Variants in PHF19 observed in about 807,000 individuals in gnomAD.
PHF19 encodes the protein polycomb like 3.
PHF19 carries 21 observed loss-of-function variants against 79.8 expected under a neutral mutation model. That is an observed-to-expected ratio of 0.26 (90% CI 0.19 to 0.38). The LOEUF is 0.38. Ranked by LOEUF, PHF19 falls within the 10% of genes least tolerant of loss-of-function variation. The probability of loss-of-function intolerance (pLI) is 1.00; values close to 1 mark genes in which losing one functional copy is unlikely to be tolerated. For missense variants in PHF19, 445 were observed against 744.2 expected, an observed-to-expected ratio of 0.60 and a Z score of 4.68; for synonymous variants, 273 against 296.3, an observed-to-expected ratio of 0.92 and a Z score of 0.81.
intron 3 of PHF19, among the ~76,000 whole-genome samples, chr9:120,872,054 A>G (rs1406924912): frequency 6.7e-6 from 1 of 150,140 alleles, no homozygotes; most frequent in Non-Finnish European, 1.5e-5. Flanking sequence ...AAAAAAAAAA[A>G]AAAAAAAAAA....
At chr9:120,884,793 C>T (rs558450072) in intron 1 of PHF19, among the ~76,000 whole-genome samples, 6 of 151,336 alleles carry the variant, frequency 4.0e-5, no homozygotes, top group South Asian at 2.1e-4. Flanking sequence ...TGGTGGTACA[C>T]GCCTATGATC....
chr9:120,862,846 G>A lies in PHF19; in HGVS notation c.969-97C>T. ...ATGACACAAGCCTCTCTGCCTCCTT[G>A]GACCCAGAGCTAAAATCCGGATGGT... On this transcript the variant is annotated intron_variant, in intron 10 of 14. Coordinates refer to ENST00000373896, the MANE Select transcript of PHF19 (RefSeq NM_015651.3). This position sits in a 1 kb window ranked among gnomAD's most constrained non-coding sequence, Gnocchi z 4.6. 1.7e-6 allele frequency: 2 copies of A among 1,167,616 alleles called. No homozygotes were observed. The highest frequency in any genetic ancestry group is 2.4e-5 in the East Asian group (1 of 42,516). The allele number at this position is 1,167,616 out of a possible 1,614,324, so 72.3% of individuals were successfully genotyped here.
chr9:120,878,643 ACCT>A (rs1486461075), upstream of PHF19, among the ~76,000 whole-genome samples: 1 of 151,008 alleles, frequency 6.6e-6, no homozygotes, highest in Non-Finnish European at 1.5e-5. Context: ...GAGTCCTTTC[ACCT>A]CCTTCCTCAC....
In PHF19 at chr9:120,877,106, C is replaced by T. The variant is rs2046085865; in HGVS notation, c.-31G>A. 3 of 985,072 alleles carry T rather than the reference C, an allele frequency of 3.0e-6. No homozygotes were observed. Among genetic ancestry groups the T allele is most frequent in the African/African-American group, 3.5e-5 (2 of 57,336 alleles). The allele number at this position is 985,072 out of a possible 1,614,324, so 61.0% of individuals were successfully genotyped here. ...CAGAACTCACCGCGAGGCTGCGTGT[C>T]CGCCGGTCCCACTTGGAGTCTGGCC... On this transcript the variant is annotated 5_prime_UTR_variant, in exon 1 of 15. Transcript: ENST00000373896.
At chr9:120,864,140 A>G (rs761078574) in intron 9 of PHF19, 24 bp from the exon 10 acceptor site, 2 of 1,609,900 alleles carry the variant, frequency 1.2e-6, no homozygotes, top group South Asian at 2.2e-5. Flanking sequence ...GGCCAGCAGG[A>G]CATCAGACCC....
At chr9:120,878,695 C>T (rs1438029029), upstream of PHF19, among the ~76,000 whole-genome samples, 1 of 152,202 alleles carries the variant, frequency 6.6e-6, no homozygotes, top group Non-Finnish European at 1.5e-5. Flanking sequence ...TCACCTGCCT[C>T]ACTGCCCCAT....
chr9:120,865,641 G>C, intron 9 of PHF19, 69 bp downstream of exon 9: 1 of 1,582,966 alleles, frequency 6.3e-7, no homozygotes, highest in Non-Finnish European at 8.7e-7. Context: ...TTCCATCCTA[G>C]TCCTGCACTG....
Position 120,869,392 on chromosome 9 carries a change from G to A in PHF19, c.466-62C>T, listed in dbSNP as rs369059741. Reference sequence around the variant, plus strand: ...CCGGGTGGACCACGCGAGTCAGCACGCGGCTGTCTATTGAGGGAAGTGCTG... The same window carrying A: ...CCGGGTGGACCACGCGAGTCAGCACACGGCTGTCTATTGAGGGAAGTGCTG... On this transcript the variant is annotated intron_variant, in intron 5 of 14. Transcript: ENST00000373896. This position sits in a 1 kb window ranked among gnomAD's most constrained non-coding sequence, Gnocchi z 5.8. 6.4e-7 allele frequency: 1 copy of A among 1,557,116 alleles called. No individual in the cohort carries two copies. The highest frequency in any genetic ancestry group is 8.7e-7 in the Non-Finnish European group (1 of 1,145,984).
rs538469042 is a variant in PHF19 at position 120,868,677 on chromosome 9, G to A, written c.614+505C>T. The stretch of plus-strand genomic sequence containing the variant: ...TCCCCTTGAGGTCCCGCCCCCTCGG[G>A]CCCCACCCCGAGCCCTTCCCTTCAG... On this transcript the variant is annotated intron_variant, in intron 6 of 14. Coordinates refer to ENST00000373896, the MANE Select transcript of PHF19 (RefSeq NM_015651.3). The A allele has an allele frequency of 1.4e-4, 43 of 312,512 alleles. No homozygotes were observed. The South Asian group carries it at 4.4e-3, about 32-fold the overall frequency. The allele number at this position is 312,512 out of a possible 1,614,324, so 19.4% of individuals were successfully genotyped here.
chr9:120,884,884 G>A (rs946665606), intron 1 of PHF19, among the ~76,000 whole-genome samples: 1 of 151,970 alleles, frequency 6.6e-6, no homozygotes, highest in Non-Finnish European at 1.5e-5. Flanking sequence ...TAGCACCACT[G>A]CACTCTGGCC....
At position 120,857,013 on chromosome 9, in the gene PHF19, C is replaced by T. The variant is rs1024985466; in HGVS notation, c.*931G>A. ...CATGCCTAGAGCTGAAAGTACAACA[C>T]ATGTGGATGGAAGCTTGTGCGAGTG... On this transcript the variant is annotated 3_prime_UTR_variant, in exon 15 of 15. Transcript: ENST00000373896. 4 of 152,770 alleles carry T rather than the reference C, an allele frequency of 2.6e-5. No homozygotes were observed. The highest frequency in any genetic ancestry group is 1.9e-4 in the East Asian group (1 of 5,196). The allele number at this position is 152,770 out of a possible 1,614,324, so 9.5% of individuals were successfully genotyped here.
intron 6 of PHF19, chr9:120,868,512 G>A (rs979561600): frequency 1.3e-5 from 2 of 152,698 alleles, no homozygotes; most frequent in African/African-American, 2.4e-5. Context: ...GACGTCCTGG[G>A]AGGATTCGCA....
intron 1 of PHF19, among the ~76,000 whole-genome samples, chr9:120,882,321 A>G (rs2046198362): frequency 6.6e-6 from 1 of 152,188 alleles, no homozygotes; most frequent in Non-Finnish European, 1.5e-5. Flanking sequence ...CTGCTGTGCT[A>G]TTCTATGTTT....
In PHF19 at chr9:120,858,181, G is replaced by A; in HGVS notation, c.1506C>T (p.Ser502=). The A allele has an allele frequency of 6.2e-7, 1 of 1,605,098 alleles. No individual in the cohort carries two copies. ...AELDGRCPSD[S]SAEGASVPER... ...CGGGGACTGAAGCCCCCTCTGCACTGCTGTCCGAGGGGCAGCGTCCATCCA... is the reference window on the plus strand; with the variant it reads ...CGGGGACTGAAGCCCCCTCTGCACTACTGTCCGAGGGGCAGCGTCCATCCA... Residue 502 remains serine, a synonymous_variant, in exon 15 of 15, where the codon AGC becomes AGT. Coordinates refer to ENST00000373896, the MANE Select transcript of PHF19 (RefSeq NM_015651.3).
intron 1 of PHF19, among the ~76,000 whole-genome samples, chr9:120,892,344 G>C (rs1483836672): frequency 3.9e-5 from 6 of 152,134 alleles, no homozygotes; most frequent in Non-Finnish European, 8.8e-5. Flanking sequence ...GAGTAGGAGT[G>C]GGGAGGCGGT....
intron 1 of PHF19, among the ~76,000 whole-genome samples, chr9:120,882,445 G>A (rs568061931): frequency 3.3e-5 from 5 of 152,240 alleles, no homozygotes; most frequent in African/African-American, 9.6e-5. Context: ...TATACTTCAC[G>A]TATGACAAAT....
At chr9:120,899,215 A>AT (rs2046422771), upstream of PHF19, among the ~76,000 whole-genome samples, 1 of 136,726 alleles carries the variant, frequency 7.3e-6, no homozygotes, top group South Asian at 2.4e-4. Context: ...AAAAAAAAAA[A>AT]AGGCCAGGCG....
chr9:120,866,892 C>T lies in PHF19; in HGVS notation c.688G>A (p.Glu230Lys). 1 of 1,608,802 alleles carries T rather than the reference C, an allele frequency of 6.2e-7. No individual in the cohort carries two copies. Among genetic ancestry groups the T allele is most frequent in the Non-Finnish European group, 8.5e-7 (1 of 1,175,136 alleles). Residue 230 changes from glutamate to lysine, a missense_variant, in exon 7 of 15, where the codon GAG (glutamate) becomes AAG (lysine). Transcript: ENST00000373896. The surrounding 1 kb of genome is among the most constrained non-coding windows in gnomAD (Gnocchi z 5.2). ...FHEACTQCLN[E>K]PMMFGDRFYL... ...TACCGGTCTCCAAACATCATGGGCTCATTGAGGCACTGGGTGCAGGCCTCG... is the reference window on the plus strand; with the variant it reads ...TACCGGTCTCCAAACATCATGGGCTTATTGAGGCACTGGGTGCAGGCCTCG...
upstream of PHF19, among the ~76,000 whole-genome samples, chr9:120,895,469 GA>G (rs77732593): frequency 0.069 from 7,070 of 103,004 alleles, 226 homozygotes; most frequent in South Asian, 0.11. Flanking sequence ...TGTCTCAAAA[GA>G]AAAAAAAAAA....
Sources: gnomAD v4.1 joint callset for allele counts (sites outside exome capture counted in the v4.1 genomes callset) on GRCh38, gnomAD v4.1.1 for gene constraint, Gnocchi (gnomAD v3.1) non-coding constraint, MANE v1.5 for transcripts, NCBI Gene and HGNC (gene_info 2026-07-23, HGNC 2026-07-21) for gene names.